Variants in KIAA1671 observed in about 807,000 individuals in gnomAD.
KIAA1671 encodes the protein uncharacterized protein KIAA1671.
In KIAA1671, 52 loss-of-function variants were observed where a neutral mutation model predicts 131.2. The observed-to-expected ratio is 0.40, with a 90% CI of 0.32 to 0.50. The LOEUF (loss-of-function observed/expected upper bound fraction) is 0.50, where lower values mean the gene tolerates loss of function less well. KIAA1671 is among the 20% of genes least tolerant of loss of function. KIAA1671 has a pLI of 0.73. For synonymous variants in KIAA1671, 1,003 were observed against 961.6 expected (o/e 1.04, Z -0.80); for missense variants, 2,360 against 2,364.2 (o/e 1.00, Z 0.04).
intron 6 of KIAA1671, among the ~76,000 whole-genome samples, chr22:25,084,232 T>C (rs1929572197): frequency 6.6e-6 from 1 of 152,102 alleles, no homozygotes; most frequent in African/African-American, 2.4e-5. Context: ...ATCCCAGCAC[T>C]TTGGGAGGCC....
chr22:25,040,861 A>T lies in KIAA1671; in HGVS notation c.3731A>T (p.Glu1244Val). 1 of 1,546,290 alleles carries T rather than the reference A, an allele frequency of 6.5e-7. No individual in the cohort carries two copies. Among genetic ancestry groups the T allele is most frequent in the Non-Finnish European group, 8.7e-7 (1 of 1,143,872 alleles). Residue 1244 changes from glutamate to valine, a missense_variant, in exon 5 of 13, where the codon GAG becomes GTG. Glu to Val is a moderately radical substitution (Grantham distance 121). Around this residue, in one of 3 missense-constraint regions of KIAA1671, gnomAD observed 1,161 missense variants for 1,204.7 expected, o/e 0.96. Transcript: ENST00000358431. ...RERPVQLGGV[E>V]QRRRSLKEMP... ...AGGCCTGTTCAGCTGGGCGGGGTGG[A>T]GCAGAGAAGGAGGAGCCTGAAGGAG...
At chr22:25,034,557 C>T (rs1926484832) in intron 4 of KIAA1671, among the ~76,000 whole-genome samples, 1 of 151,684 alleles carries the variant, frequency 6.6e-6, no homozygotes, top group East Asian at 1.9e-4. Context: ...CTGTTGCTGA[C>T]TAGTATTCTA....
intron 6 of KIAA1671, chr22:25,069,921 A>C (rs187137663): frequency 6.4e-6 from 1 of 156,082 alleles, no homozygotes; most frequent in Non-Finnish European, 1.4e-5. Context: ...CTCCACGTAA[A>C]AGCATGTACA....
intron 1 of KIAA1671, among the ~76,000 whole-genome samples, chr22:24,960,040 G>A (rs9624678): frequency 0.18 from 26,471 of 150,830 alleles, 2,632 homozygotes; most frequent in South Asian, 0.28. Flanking sequence ...GGGCTGAGGC[G>A]GGAGGATCAC....
Position 25,040,436 on chromosome 22 carries a change from T to A in KIAA1671, c.3306T>A (p.Thr1102=), listed in dbSNP as rs1926848909. The change falls in exon 5 of 13, where the codon ACT becomes ACA. Residue 1102 remains threonine, a synonymous_variant. Coordinates refer to ENST00000358431, the MANE Select transcript of KIAA1671 (RefSeq NM_001145206.2). ...REHENASILK[T]LKPTDRPSSL... is the part of the protein sequence containing the mutation. ...ATGAAAATGCAAGCATTTTAAAAACTCTGAAGCCAACAGACCGTCCATCAT... is the reference window on the plus strand; with the variant it reads ...ATGAAAATGCAAGCATTTTAAAAACACTGAAGCCAACAGACCGTCCATCAT... 4.5e-6 allele frequency: 7 copies of A among 1,551,980 alleles called. No homozygotes were observed. Among genetic ancestry groups the A allele is most frequent in the Middle Eastern group, 1.7e-4 (1 of 5,994 alleles).
chr22:25,124,714 C>T (rs536591138), intron 6 of KIAA1671, among the ~76,000 whole-genome samples: 1 of 152,334 alleles, frequency 6.6e-6, no homozygotes, highest in East Asian at 1.9e-4. Context: ...TTAGAGTATG[C>T]TATGCTGCAG....
intron 6 of KIAA1671, among the ~76,000 whole-genome samples, chr22:25,125,796 G>C (rs1932151519): frequency 6.6e-6 from 1 of 152,164 alleles, no homozygotes; most frequent in Admixed American, 6.5e-5. Flanking sequence ...CCTGGGATGT[G>C]AGTTCACACC....
intron 6 of KIAA1671, among the ~76,000 whole-genome samples, chr22:25,149,115 C>T (rs933842156): frequency 1.3e-5 from 2 of 152,164 alleles, no homozygotes; most frequent in African/African-American, 4.8e-5. Context: ...CAGGCACAGC[C>T]CTTAGCACTT....
intron 6 of KIAA1671, among the ~76,000 whole-genome samples, chr22:25,113,612 G>A (rs1018300171): frequency 6.6e-6 from 1 of 152,194 alleles, no homozygotes; most frequent in African/African-American, 2.4e-5. Context: ...TGACCCAGAG[G>A]TGTGACTCAC....
At chr22:25,002,672 A>G (rs1304165159) in intron 1 of KIAA1671, among the ~76,000 whole-genome samples, 1 of 152,198 alleles carries the variant, frequency 6.6e-6, no homozygotes, top group Non-Finnish European at 1.5e-5. Flanking sequence ...CTGAGGGCAC[A>G]GGGCTGGGCA....
intron 1 of KIAA1671, chr22:25,012,783 G>A (rs1246034717): frequency 1.3e-5 from 2 of 152,236 alleles, no homozygotes; most frequent in African/African-American, 4.8e-5. Flanking sequence ...GCAGATGATG[G>A]AGATGTAGGT....
At chr22:24,983,793 T>G (rs1020924116) in intron 1 of KIAA1671, among the ~76,000 whole-genome samples, 412 of 150,632 alleles carry the variant, frequency 2.7e-3, no homozygotes, top group Non-Finnish European at 5.1e-3. Flanking sequence ...TTTTTTTTTT[T>G]TTGAGACAGA....
intron 9 of KIAA1671, chr22:25,179,378 C>A: frequency 6.2e-7 from 1 of 1,606,538 alleles, no homozygotes; most frequent in Non-Finnish European, 8.5e-7. Flanking sequence ...CCTCGCGCAG[C>A]CGCTCGCGCA....
chr22:25,181,879 T>C (rs6004466), intron 10 of KIAA1671, 56 bp downstream of exon 10: 557,564 of 1,525,700 alleles, frequency 0.37, 105,607 homozygotes, highest in East Asian at 0.64. Flanking sequence ...ACCTTAGCAG[T>C]GTAAAGAATA....
intron 6 of KIAA1671, among the ~76,000 whole-genome samples, chr22:25,166,748 A>C (rs1216091613): frequency 6.6e-6 from 1 of 152,118 alleles, no homozygotes; most frequent in Non-Finnish European, 1.5e-5. Context: ...CCAGTGTGAA[A>C]ACTGAGGCTT....
intron 6 of KIAA1671, among the ~76,000 whole-genome samples, chr22:25,099,403 G>T (rs1364736064): frequency 6.6e-6 from 1 of 152,112 alleles, no homozygotes; most frequent in Non-Finnish European, 1.5e-5. Context: ...AGATGATGTG[G>T]GGCCTGGCAC....
chr22:25,029,502 G>A lies in KIAA1671; in HGVS notation c.1503G>A (p.Thr501=), dbSNP rs1051780789. ...CTAAGCCCGAGGTCAGGAGGAGGAC[G>A]TTCCAGGCTCGGCCGCTGTCGGCGG... The part of the protein sequence containing the change: ...SEAKPEVRRR[T]FQARPLSADL... The change falls in exon 3 of 13, where the codon ACG becomes ACA. Residue 501 remains threonine, a synonymous_variant. Transcript: ENST00000358431. 2.4e-5 allele frequency: 37 copies of A among 1,549,116 alleles called. No homozygotes were observed. The highest frequency in any genetic ancestry group is 3.9e-5 in the Admixed American group (2 of 50,734).
At chr22:24,956,253 C>T (rs915953398) in intron 1 of KIAA1671, among the ~76,000 whole-genome samples, 1 of 152,128 alleles carries the variant, frequency 6.6e-6, no homozygotes, top group Non-Finnish European at 1.5e-5. Flanking sequence ...GGTATCAGTA[C>T]TGAATTCAGT....
At chr22:25,148,095 A>T (rs1932922636) in intron 6 of KIAA1671, among the ~76,000 whole-genome samples, 1 of 150,030 alleles carries the variant, frequency 6.7e-6, no homozygotes, top group Non-Finnish European at 1.5e-5. Flanking sequence ...TTCATTAAAC[A>T]CATTGTGCCA....
Sources: gnomAD v4.1 joint callset for allele counts (sites outside exome capture counted in the v4.1 genomes callset) on GRCh38, gnomAD v4.1.1 for gene constraint, gnomAD v4.1.1 regional missense constraint, MANE v1.5 for transcripts, NCBI Gene and HGNC (gene_info 2026-07-23, HGNC 2026-07-21) for gene names.